The following VPS13B variants were observed in gnomAD, a reference collection of about 807,000 sequenced individuals.
The protein encoded by VPS13B is vacuolar protein sorting 13 homolog B.
VPS13B carries 285 observed loss-of-function variants against 426.4 expected under a neutral mutation model. The ratio of observed to expected loss-of-function variants is 0.67; its 90% CI spans 0.61 to 0.74. The LOEUF (loss-of-function observed/expected upper bound fraction) is 0.74. Among genes scored for constraint, VPS13B ranks in the 30% least tolerant of loss-of-function variants. The pLI, the probability that VPS13B is intolerant of heterozygous loss-of-function variation, is 0.00. For missense variants in VPS13B, 4,537 were observed against 4,782.6 expected, an observed-to-expected ratio of 0.95 and a Z score of 1.51; for synonymous variants, 1,676 against 1,676.4, an observed-to-expected ratio of 1.00 and a Z score of 0.01.
intron 24 of VPS13B, among the ~76,000 whole-genome samples, chr8:99,476,650 C>T (rs950553006): frequency 6.6e-6 from 1 of 151,952 alleles, no homozygotes; most frequent in Non-Finnish European, 1.5e-5. Context: ...TAAGAAACCA[C>T]GAAGGCCAGA....
chr8:99,019,128 T>A lies in VPS13B; in HGVS notation c.147+5193T>A, dbSNP rs1841760646. Among the ~76,000 whole-genome samples, 5 of 152,294 alleles carry A rather than the reference T, an allele frequency of 3.3e-5. 1 individual carries two copies. The highest frequency in any genetic ancestry group is 3.3e-4 in the Admixed American group (5 of 15,300). On this transcript the variant is annotated intron_variant, in intron 2 of 61. Transcript: ENST00000357162. ...CCCTCTTTTTATAATCTCTAACAGTTTATGTAAGATCAATGTTAGTGGTTT... is the reference window on the plus strand; with the variant it reads ...CCCTCTTTTTATAATCTCTAACAGTATATGTAAGATCAATGTTAGTGGTTT...
chr8:99,649,017 T>C (rs1018733940), intron 34 of VPS13B, among the ~76,000 whole-genome samples: 4 of 152,156 alleles, frequency 2.6e-5, no homozygotes, highest in African/African-American at 9.7e-5. Flanking sequence ...TGACATGTCT[T>C]CTAGCACTTT....
intron 34 of VPS13B, among the ~76,000 whole-genome samples, chr8:99,648,904 C>T (rs945876776): frequency 2.6e-5 from 4 of 151,380 alleles, no homozygotes; most frequent in Middle Eastern, 3.4e-3. Flanking sequence ...TCTTTTAGAG[C>T]AGAGCTGCTA....
chr8:99,668,525 G>A (rs1830577145), intron 35 of VPS13B, among the ~76,000 whole-genome samples: 1 of 152,074 alleles, frequency 6.6e-6, no homozygotes, highest in African/African-American at 2.4e-5. Flanking sequence ...TACAAATGCT[G>A]CTCTTTAGCA....
At chr8:99,721,104 T>C (rs1833111622) in intron 39 of VPS13B, 57 bp downstream of exon 39, 1 of 1,567,934 alleles carries the variant, frequency 6.4e-7, no homozygotes, top group Non-Finnish European at 8.8e-7. Flanking sequence ...GCTGATCATA[T>C]ATTAGGAAAA....
intron 2 of VPS13B, among the ~76,000 whole-genome samples, chr8:99,037,591 T>C (rs1842805036): frequency 6.6e-6 from 1 of 152,116 alleles, no homozygotes; most frequent in Non-Finnish European, 1.5e-5. Flanking sequence ...GCTTAATATT[T>C]TTATTAACTT....
At chr8:99,624,003 A>ATG (rs1828481815) in intron 33 of VPS13B, among the ~76,000 whole-genome samples, 1 of 81,638 alleles carries the variant, frequency 1.2e-5, no homozygotes, top group Admixed American at 1.2e-4. Flanking sequence ...ACATATATAT[A>ATG]TATATTTTTT....
At chr8:99,784,642 G>A (rs554190855) in intron 43 of VPS13B, among the ~76,000 whole-genome samples, 166 bp downstream of exon 43, 15 of 152,232 alleles carry the variant, frequency 9.9e-5, no homozygotes, top group African/African-American at 3.1e-4. Context: ...GGGAGCACAC[G>A]CTTCTCTTGG....
chr8:99,110,460 G>A lies in VPS13B; in HGVS notation c.581-638G>A, dbSNP rs572611764. ...TGGTGATTTCTTTATTAATTAATGT[G>A]GTGGTGTCCACTAGACCTTTCTGTG... On this transcript the variant is annotated intron_variant, in intron 5 of 61. Transcript: ENST00000357162. Among the ~76,000 whole-genome samples, 125 of 152,038 alleles carry A rather than the reference G, an allele frequency of 8.2e-4. 2 individuals carry two copies. The South Asian group carries it at 0.026, about 31-fold the overall frequency.
chr8:99,855,285 G>A (rs187679777), intron 56 of VPS13B, among the ~76,000 whole-genome samples: 283 of 152,298 alleles, frequency 1.9e-3, no homozygotes, highest in African/African-American at 6.1e-3. Context: ...CTGAGGCTGA[G>A]GTGGGAGGAT....
At position 99,053,010 on chromosome 8, in the gene VPS13B, G is replaced by T. The variant is rs2132270793; in HGVS notation, c.291+14444G>T. 2.6e-5 allele frequency among the ~76,000 whole-genome samples: 4 copies of T among 151,902 alleles called. 1 individual carries two copies. Among genetic ancestry groups the T allele is most frequent in the Admixed American group, 2.6e-4 (4 of 15,256 alleles). ...GCTGGATTCATTGATTTTTTGAAGG[G>T]TTTTTTGTGTCTCTTATTTCCTTCA... is the stretch of plus-strand genomic sequence containing the variant. On this transcript the variant is annotated intron_variant, in intron 3 of 61. Coordinates refer to ENST00000357162, the MANE Select transcript of VPS13B (RefSeq NM_152564.5).
intron 30 of VPS13B, among the ~76,000 whole-genome samples, chr8:99,526,997 T>G (rs1822684720): frequency 6.6e-6 from 1 of 152,194 alleles, no homozygotes; most frequent in Non-Finnish European, 1.5e-5. Flanking sequence ...GATGATTAAA[T>G]CCATTTTTTT....
Position 99,170,172 on chromosome 8 carries a change from T to TA in VPS13B, c.2333+10dup. The TA allele has an allele frequency of 6.2e-7, 1 of 1,612,112 alleles. No homozygotes were observed. Among genetic ancestry groups the TA allele is most frequent in the Non-Finnish European group, 8.5e-7 (1 of 1,178,546 alleles). ...AAACTCCCCACATGCTGGTAAGTCT[T>TA]ACATGTTAAAATGTGATTTATGTTA... On this transcript the variant is annotated intron_variant, in intron 16 of 61. Transcript: ENST00000357162.
chr8:99,695,756 C>T (rs1831952223), intron 35 of VPS13B, among the ~76,000 whole-genome samples: 1 of 149,916 alleles, frequency 6.7e-6, no homozygotes, highest in African/African-American at 2.5e-5. Flanking sequence ...AGTGTCCCCA[C>T]ATGAAGGAAG....
chr8:99,366,408 C>T (rs755630080), intron 19 of VPS13B, among the ~76,000 whole-genome samples: 10 of 152,064 alleles, frequency 6.6e-5, no homozygotes, highest in Non-Finnish European at 1.3e-4. Flanking sequence ...GCTACTCCCG[C>T]ACTTTTTTGG....
intron 33 of VPS13B, among the ~76,000 whole-genome samples, chr8:99,641,121 A>G (rs1220705335): frequency 1.3e-5 from 2 of 152,186 alleles, no homozygotes; most frequent in Admixed American, 1.3e-4. Context: ...AATTTTGAGA[A>G]CTAGTAGCCT....
At chr8:99,205,849 T>C (rs924164592) in intron 17 of VPS13B, among the ~76,000 whole-genome samples, 12 of 152,182 alleles carry the variant, frequency 7.9e-5, no homozygotes, top group African/African-American at 2.4e-5. Flanking sequence ...CTGCTACCAT[T>C]ATGTCTGCAA....
intron 43 of VPS13B, among the ~76,000 whole-genome samples, chr8:99,805,780 C>T (rs1813366962): frequency 2.0e-5 from 3 of 152,116 alleles, no homozygotes; most frequent in South Asian, 2.1e-4. Context: ...TAGTTGTCAT[C>T]GAAAACTTCC....
At chr8:99,792,256 T>C (rs1812575531) in intron 43 of VPS13B, among the ~76,000 whole-genome samples, 4 of 152,032 alleles carry the variant, frequency 2.6e-5, no homozygotes, top group African/African-American at 4.8e-5. Flanking sequence ...TAACCCAAAA[T>C]TACTTGACAG....
Sources: allele counts gnomAD v4.1 joint callset (sites outside exome capture counted in the v4.1 genomes callset), GRCh38; gene constraint gnomAD v4.1.1; transcripts MANE v1.5; gene names NCBI Gene and HGNC (gene_info 2026-07-23, HGNC 2026-07-21).